Variants in MICAL3 observed in about 807,000 individuals in gnomAD.
The protein encoded by MICAL3 is microtubule associated monooxygenase, calponin and LIM domain containing 3.
MICAL3 carries 62 observed loss-of-function variants against 207.4 expected under a neutral mutation model. The ratio of observed to expected loss-of-function variants is 0.30; its 90% CI spans 0.24 to 0.37. The LOEUF is 0.37. MICAL3 is among the 10% of genes least tolerant of loss of function. The pLI, the probability that MICAL3 is intolerant of heterozygous loss-of-function variation, is 1.00. For missense variants in MICAL3, 2,368 were observed against 2,635.6 expected (o/e 0.90, Z 2.22); for synonymous variants, 1,077 against 1,069.3 (o/e 1.01, Z -0.14).
chr22:17,795,716 C>G (rs977843223), intron 29 of MICAL3, among the ~76,000 whole-genome samples: 1 of 152,242 alleles, frequency 6.6e-6, no homozygotes, highest in African/African-American at 2.4e-5. Context: ...GTCCGAGCTG[C>G]GCTGCGGGGC....
intron 1 of MICAL3, among the ~76,000 whole-genome samples, chr22:17,944,040 C>T (rs1381359660): frequency 6.6e-6 from 1 of 152,206 alleles, no homozygotes; most frequent in Admixed American, 6.5e-5. Context: ...AAGCCTCTGT[C>T]CCATCTGCCC....
intron 20 of MICAL3, chr22:17,834,273 G>A: frequency 9.1e-7 from 1 of 1,101,538 alleles, no homozygotes; most frequent in South Asian, 2.0e-5. Flanking sequence ...CTACAGCTCA[G>A]CCAGTGGACA....
At chr22:17,856,105 G>C (rs1182079670) in intron 19 of MICAL3, among the ~76,000 whole-genome samples, 1 of 152,270 alleles carries the variant, frequency 6.6e-6, no homozygotes, top group African/African-American at 2.4e-5. Flanking sequence ...CACAGTGCGT[G>C]CTACATGTTA....
intron 1 of MICAL3, among the ~76,000 whole-genome samples, chr22:17,917,535 C>G (rs1932608190): frequency 6.6e-6 from 1 of 152,190 alleles, no homozygotes; most frequent in Admixed American, 6.5e-5. Flanking sequence ...TTGCATGAGC[C>G]TCCCCTACTT....
intron 22 of MICAL3, among the ~76,000 whole-genome samples, chr22:17,826,948 C>T (rs73382801): frequency 2.0e-5 from 3 of 152,306 alleles, no homozygotes; most frequent in South Asian, 2.1e-4. Context: ...GGGTGTGGCC[C>T]GTGACCGGCG....
intron 1 of MICAL3, among the ~76,000 whole-genome samples, chr22:18,003,775 AT>A (rs112926354): frequency 1.5e-3 from 219 of 142,838 alleles, no homozygotes; most frequent in Middle Eastern, 7.2e-3. Context: ...CCCTTTCTTT[AT>A]TTTTTTTTTT....
At position 17,887,250 on chromosome 22, in the gene MICAL3, G is replaced by C. The variant is rs1428962698; in HGVS notation, c.2005-18C>G. The C allele has an allele frequency of 6.2e-7, 1 of 1,612,828 alleles. No homozygotes were observed. Among genetic ancestry groups the C allele is most frequent in the Non-Finnish European group, 8.5e-7 (1 of 1,179,188 alleles). On this transcript the variant is annotated intron_variant, in intron 14 of 31. Coordinates refer to ENST00000441493, the MANE Select transcript of MICAL3 (RefSeq NM_015241.3). ...TTTTTATCCTGTACCAAGGGAGGAGGGAAACTGCATTATTCTAGCCATACA... is the reference window on the plus strand; with the variant it reads ...TTTTTATCCTGTACCAAGGGAGGAGCGAAACTGCATTATTCTAGCCATACA...
chr22:17,876,776 G>A (rs1928444947), intron 16 of MICAL3: 1 of 134,880 alleles, frequency 7.4e-6, no homozygotes, highest in African/African-American at 3.1e-5. Context: ...GGGAAGTTAT[G>A]GAGGTTAGGG....
rs1231584868 is a variant in MICAL3, at chr22:17,790,733, CA to C, written c.6007del (p.Ter2003GlufsTer59). 1.9e-6 allele frequency: 3 copies of C among 1,594,662 alleles called. No individual in the cohort carries two copies. Among genetic ancestry groups the C allele is most frequent in the Admixed American group, 1.8e-5 (1 of 56,962 alleles). ...LSKGFSLNWS[*>X] The stretch of plus-strand genomic sequence containing the variant: ...GAAAATGGAGCGTTGGGTGGGAGCT[CA>C]GGACCAGTTAAGGCTGAAGCCCTTG... On this transcript the variant is annotated frameshift_variant and stop_lost, in exon 32 of 32. Transcript: ENST00000441493. LOFTEE classifies it high-confidence loss of function.
intron 16 of MICAL3, among the ~76,000 whole-genome samples, chr22:17,877,831 T>A (rs867969491): frequency 4.3e-4 from 66 of 152,248 alleles, no homozygotes; most frequent in African/African-American, 1.5e-3. Context: ...CTATTCAACA[T>A]GCTCCCCTCC....
intron 1 of MICAL3, among the ~76,000 whole-genome samples, chr22:18,016,664 G>A (rs1024718061): frequency 6.6e-6 from 1 of 152,172 alleles, no homozygotes; most frequent in Non-Finnish European, 1.5e-5. Context: ...TTCTAGGCCG[G>A]GTGCGGTGGC....
intron 1 of MICAL3, among the ~76,000 whole-genome samples, chr22:17,908,215 AC>A (rs1931884271): frequency 6.6e-6 from 1 of 151,882 alleles, no homozygotes; most frequent in African/African-American, 2.4e-5. Context: ...CAGCTGCACG[AC>A]CCCGCTGCAC....
rs528220339 is a variant in MICAL3, at chr22:17,995,107, C to T, written c.-75+29174G>A. Among the ~76,000 whole-genome samples the T allele has an allele frequency of 5.3e-4, 81 of 152,270 alleles. 1 individual carries two copies. The South Asian group carries it at 0.015, about 28-fold the overall frequency. ...TACTTAGCAGAAGCTCTTGCCCTTC[C>T]GCTTCCACCTTTCATCAAGGTATAA... is the stretch of plus-strand genomic sequence containing the variant. On this transcript the variant is annotated intron_variant, in intron 1 of 31. Coordinates refer to ENST00000441493, the MANE Select transcript of MICAL3 (RefSeq NM_015241.3).
chr22:18,023,513 A>G (rs981538260), intron 1 of MICAL3, among the ~76,000 whole-genome samples: 1 of 152,154 alleles, frequency 6.6e-6, no homozygotes, highest in Non-Finnish European at 1.5e-5. Context: ...GAGAGGAGGG[A>G]AGGGGTTGGC....
chr22:17,855,429 G>A (rs188051583), intron 19 of MICAL3, among the ~76,000 whole-genome samples: 2 of 152,252 alleles, frequency 1.3e-5, no homozygotes, highest in Non-Finnish European at 2.9e-5. Context: ...AGGTGGTAGA[G>A]GAAAAGCCAA....
chr22:17,823,181 G>T lies in MICAL3; in HGVS notation c.3194-121C>A, dbSNP rs539451723. 76 of 694,622 alleles carry T rather than the reference G, an allele frequency of 1.1e-4. No individual in the cohort carries two copies. In the South Asian group the frequency reaches 1.3e-3, roughly 12 times the overall value. 43.0% of individuals were successfully genotyped at this position (694,622 alleles called of 1,614,324 possible). A position where few individuals can be genotyped will look rare whatever the true frequency, so the allele number is the denominator to read the frequency against. ...GCTGCCATGCAGGCCCCAGGAGAGG[G>T]GAGATGCTGCCAGGCCCAGGGGGCT... On this transcript the variant is annotated intron_variant, in intron 22 of 31. Coordinates refer to ENST00000441493, the MANE Select transcript of MICAL3 (RefSeq NM_015241.3).
At chr22:17,946,390 G>A (rs1038255648) in intron 1 of MICAL3, among the ~76,000 whole-genome samples, 5 of 152,174 alleles carry the variant, frequency 3.3e-5, no homozygotes, top group Non-Finnish European at 5.9e-5. Context: ...GTGAAACAAC[G>A]ACCCACATGT....
At chr22:18,001,873 T>C (rs1346063143) in intron 1 of MICAL3, among the ~76,000 whole-genome samples, 2 of 152,288 alleles carry the variant, frequency 1.3e-5, no homozygotes, top group Admixed American at 1.3e-4. Flanking sequence ...TATCAAAGCC[T>C]GCCCCCGGAG....
rs1371706264 is a variant in MICAL3 at position 17,831,723 on chromosome 22, G to A, written c.3055+131C>T. ...CTCTGCCCCCCATGTCTTATGTCAG[G>A]AGGGGTGGTCCCTGGGCTGTGCAGG... is the stretch of plus-strand genomic sequence containing the variant. On this transcript the variant is annotated intron_variant, in intron 21 of 31. Coordinates refer to ENST00000441493, the MANE Select transcript of MICAL3 (RefSeq NM_015241.3). 7 of 1,415,722 alleles carry A rather than the reference G, an allele frequency of 4.9e-6. No individual in the cohort carries two copies. The East Asian group carries it at 1.8e-4, about 35-fold the overall frequency. 87.7% of individuals were successfully genotyped at this position (1,415,722 alleles called of 1,614,324 possible).
Sources: allele counts gnomAD v4.1 joint callset (sites outside exome capture counted in the v4.1 genomes callset), GRCh38; gene constraint gnomAD v4.1.1; transcripts MANE v1.5; gene names NCBI Gene and HGNC (gene_info 2026-07-23, HGNC 2026-07-21).